Variants in NRXN1 observed in about 807,000 individuals in gnomAD.
The protein encoded by NRXN1 is neurexin-1.
In NRXN1, 39 loss-of-function variants were observed where a neutral mutation model predicts 150.9. The ratio of observed to expected loss-of-function variants is 0.26; its 90% CI spans 0.20 to 0.34. The LOEUF is 0.34. Among genes scored for constraint, NRXN1 ranks in the 10% least tolerant of loss-of-function variants. The probability of loss-of-function intolerance (pLI) is 1.00; values close to 1 mark genes in which losing one functional copy is unlikely to be tolerated. For missense variants in NRXN1, 1,815 were observed against 1,949.9 expected, an observed-to-expected ratio of 0.93 and a Z score of 1.30; for synonymous variants, 924 against 757.0, an observed-to-expected ratio of 1.22 and a Z score of -3.62.
intron 22 of NRXN1, among the ~76,000 whole-genome samples, chr2:49,934,436 A>G (rs995426494): frequency 2.6e-5 from 4 of 152,178 alleles, no homozygotes; most frequent in Non-Finnish European, 4.4e-5. Context: ...GGGGCAGTGT[A>G]CAATTTTCCT....
intron 5 of NRXN1, among the ~76,000 whole-genome samples, chr2:50,763,789 T>C (rs1207046113): frequency 2.0e-5 from 3 of 151,958 alleles, no homozygotes; most frequent in African/African-American, 4.8e-5. Flanking sequence ...CTGTAACAGC[T>C]AGTGATCTGC....
intron 21 of NRXN1, among the ~76,000 whole-genome samples, chr2:50,043,962 G>A (rs570426720): frequency 2.6e-5 from 4 of 151,764 alleles, no homozygotes; most frequent in African/African-American, 4.8e-5. Flanking sequence ...CATATGGAAG[G>A]AAGAATGAAA....
At chr2:50,117,788 C>A (rs1300783907) in intron 18 of NRXN1, among the ~76,000 whole-genome samples, 107 of 139,492 alleles carry the variant, frequency 7.7e-4, no homozygotes, top group Non-Finnish European at 4.7e-4. Flanking sequence ...AAAAAAAAAA[C>A]AACCAACTGT....
intron 5 of NRXN1, among the ~76,000 whole-genome samples, chr2:50,664,436 T>TGG (rs1375440508): frequency 1.4e-5 from 2 of 142,936 alleles, no homozygotes; most frequent in African/African-American, 2.7e-5. Flanking sequence ...TGTGTGTGTG[T>TGG]GTGGCGTGGC....
At chr2:50,810,100 T>C (rs1395901226) in intron 5 of NRXN1, among the ~76,000 whole-genome samples, 1 of 152,186 alleles carries the variant, frequency 6.6e-6, no homozygotes, top group Non-Finnish European at 1.5e-5. Flanking sequence ...TCTTACCCTC[T>C]GTTGTTGATA....
At chr2:50,147,117 C>T (rs1708120583) in intron 18 of NRXN1, among the ~76,000 whole-genome samples, 1 of 151,666 alleles carries the variant, frequency 6.6e-6, no homozygotes, top group Admixed American at 6.6e-5. Flanking sequence ...TGGTAAAAGA[C>T]CCCTCTCACA....
intron 18 of NRXN1, among the ~76,000 whole-genome samples, chr2:50,110,776 T>C (rs1304061272): frequency 1.3e-5 from 2 of 152,076 alleles, no homozygotes; most frequent in African/African-American, 2.4e-5. Flanking sequence ...TTAAATATTT[T>C]CCCCCTAGGT....
At chr2:50,461,880 G>C (rs759127955) in intron 17 of NRXN1, among the ~76,000 whole-genome samples, 1 of 151,944 alleles carries the variant, frequency 6.6e-6, no homozygotes, top group African/African-American at 2.4e-5. Flanking sequence ...TGGAATGAAT[G>C]CATTTTCCAG....
At chr2:50,802,231 C>T (rs1707694081) in intron 5 of NRXN1, among the ~76,000 whole-genome samples, 2 of 152,070 alleles carry the variant, frequency 1.3e-5, no homozygotes. Context: ...GTGGCTCATG[C>T]ATGCAATCCC....
chr2:50,876,617 C>T (rs531692128), intron 5 of NRXN1, among the ~76,000 whole-genome samples: 20 of 151,756 alleles, frequency 1.3e-4, no homozygotes, highest in Admixed American at 3.3e-4. Flanking sequence ...ATTCTTTCAA[C>T]GTCTTCTTTT....
chr2:50,248,987 CTT>C (rs111366889), intron 17 of NRXN1, among the ~76,000 whole-genome samples: 30 of 134,360 alleles, frequency 2.2e-4, no homozygotes, highest in Middle Eastern at 4.0e-3. Flanking sequence ...TCTTTACAAA[CTT>C]TTTTTTTTTT....
chr2:51,016,228 C>T (rs1269426889), intron 2 of NRXN1, among the ~76,000 whole-genome samples: 1 of 152,096 alleles, frequency 6.6e-6, no homozygotes, highest in Non-Finnish European at 1.5e-5. Context: ...ACACCAAAAG[C>T]AATGGCAACA....
At chr2:50,752,887 A>C (rs959208457) in intron 5 of NRXN1, among the ~76,000 whole-genome samples, 2 of 151,956 alleles carry the variant, frequency 1.3e-5, no homozygotes, top group Non-Finnish European at 2.9e-5. Flanking sequence ...GAAATGAATG[A>C]CTCTATGTTC....
chr2:50,727,362 T>A (rs141771653), intron 5 of NRXN1, among the ~76,000 whole-genome samples: 128 of 152,304 alleles, frequency 8.4e-4, no homozygotes, highest in African/African-American at 3.0e-3. Context: ...GCCTAGGCTA[T>A]AATTAGTATT....
chr2:50,385,120 C>T (rs2081241574), intron 17 of NRXN1, among the ~76,000 whole-genome samples: 1 of 152,296 alleles, frequency 6.6e-6, no homozygotes, highest in South Asian at 2.1e-4. Context: ...AGCGTTTAAT[C>T]CAAACACCCC....
At chr2:50,550,665 T>C (rs1667311480) in intron 9 of NRXN1, among the ~76,000 whole-genome samples, 1 of 150,848 alleles carries the variant, frequency 6.6e-6, no homozygotes, top group South Asian at 2.1e-4. Flanking sequence ...TCTTCTCAGC[T>C]TATTTTTATT....
intron 18 of NRXN1, among the ~76,000 whole-genome samples, chr2:50,096,666 C>A (rs923093775): frequency 2.0e-5 from 3 of 152,120 alleles, no homozygotes; most frequent in Non-Finnish European, 2.9e-5. Flanking sequence ...AGTAACGAGG[C>A]ATTTATAATT....
intron 8 of NRXN1, among the ~76,000 whole-genome samples, chr2:50,598,978 G>C (rs1050074525): frequency 6.6e-6 from 1 of 151,756 alleles, no homozygotes; most frequent in African/African-American, 2.4e-5. Flanking sequence ...CACCATGTTG[G>C]CCAGGCTGCT....
chr2:50,474,923 C>T (rs1301359186), intron 15 of NRXN1, among the ~76,000 whole-genome samples: 1 of 146,030 alleles, frequency 6.8e-6, no homozygotes, highest in Admixed American at 7.2e-5. Context: ...ACTAAAATTG[C>T]CTGAGATTGT....
Sources: gnomAD v4.1 joint callset for allele counts (sites outside exome capture counted in the v4.1 genomes callset) on GRCh38, gnomAD v4.1.1 for gene constraint, MANE v1.5 for transcripts, NCBI Gene and HGNC (gene_info 2026-07-23, HGNC 2026-07-21) for gene names.